Variants in DNAH10 observed in about 807,000 individuals in gnomAD.
DNAH10 encodes axonemal beta dynein heavy chain 10.
A neutral mutation model predicts 506.6 loss-of-function variants in DNAH10; 348 were observed. The observed-to-expected ratio is 0.69, with a 90% CI of 0.63 to 0.75. The LOEUF is 0.75. DNAH10 is among the 30% of genes least tolerant of loss of function. The pLI, the probability that DNAH10 is intolerant of heterozygous loss-of-function variation, is 0.00. For missense variants in DNAH10, 5,179 were observed against 5,787.1 expected, an observed-to-expected ratio of 0.89 and a Z score of 3.41; for synonymous variants, 2,059 against 2,198.6, an observed-to-expected ratio of 0.94 and a Z score of 1.78.
chr12:123,901,561 G>A (rs1953520639), intron 56 of DNAH10, among the ~76,000 whole-genome samples: 1 of 152,228 alleles, frequency 6.6e-6, no homozygotes, highest in African/African-American at 2.4e-5. Context: ...GCCAGCATCT[G>A]TTTGTAGAAG....
At chr12:123,863,315 A>G (rs531523637) in intron 39 of DNAH10, among the ~76,000 whole-genome samples, 37 of 152,318 alleles carry the variant, frequency 2.4e-4, no homozygotes, top group Non-Finnish European at 4.0e-4. Flanking sequence ...ATGGTGTGTA[A>G]CCCAGGGCTT....
rs185559814 is a variant in DNAH10 at position 123,916,958 on chromosome 12, A to G, written c.11002+222A>G. Reference sequence around the variant, plus strand: ...CACGCTGAGACGGGGCCGTGGGCTTATGTGTTCACACATGGGGTGGGATGG... The same window carrying G: ...CACGCTGAGACGGGGCCGTGGGCTTGTGTGTTCACACATGGGGTGGGATGG... On this transcript the variant is annotated intron_variant, in intron 63 of 78. Coordinates refer to ENST00000673944, the MANE Select transcript of DNAH10 (RefSeq NM_001372106.1). This position sits in a 1 kb window ranked among gnomAD's most constrained non-coding sequence, Gnocchi z 4.6. Among the ~76,000 whole-genome samples, 3 of 152,298 alleles carry G rather than the reference A, an allele frequency of 2.0e-5. No individual in the cohort carries two copies. The highest frequency in any genetic ancestry group is 4.4e-5 in the Non-Finnish European group (3 of 68,024).
At chr12:123,921,265 C>A (rs1222900551) in intron 65 of DNAH10, among the ~76,000 whole-genome samples, 1 of 152,204 alleles carries the variant, frequency 6.6e-6, no homozygotes, top group Admixed American at 6.5e-5. Flanking sequence ...AGTATGTAAT[C>A]CTGGCTGCCA....
chr12:123,866,967 G>A (rs758715812), intron 41 of DNAH10, among the ~76,000 whole-genome samples: 1 of 152,168 alleles, frequency 6.6e-6, no homozygotes, highest in African/African-American at 2.4e-5. Flanking sequence ...GGAGGTGAAT[G>A]GAAACCAGGA....
At chr12:123,830,104 C>T (rs948281358) in intron 25 of DNAH10, among the ~76,000 whole-genome samples, 15 of 152,212 alleles carry the variant, frequency 9.9e-5, no homozygotes, top group Non-Finnish European at 2.1e-4. Flanking sequence ...AGCTAGGAGC[C>T]TTGCCCTTGA....
intron 21 of DNAH10, among the ~76,000 whole-genome samples, chr12:123,815,739 T>C (rs970847230): frequency 2.0e-5 from 3 of 152,216 alleles, no homozygotes; most frequent in Non-Finnish European, 1.5e-5. Flanking sequence ...AATGGGCAAT[T>C]CCATAATTGT....
intron 60 of DNAH10, among the ~76,000 whole-genome samples, chr12:123,914,109 GC>G (rs1229712438): frequency 1.3e-5 from 2 of 152,178 alleles, no homozygotes; most frequent in Non-Finnish European, 2.9e-5. Flanking sequence ...CCTTTACTGA[GC>G]CCCCTGCTTG....
intron 51 of DNAH10, among the ~76,000 whole-genome samples, chr12:123,883,066 T>C (rs75221122): frequency 6.6e-6 from 1 of 152,236 alleles, no homozygotes; most frequent in Non-Finnish European, 1.5e-5. Flanking sequence ...ATTTTTTTTT[T>C]GCCAAATAGG....
intron 14 of DNAH10, 101 bp from the exon 15 acceptor site, chr12:123,800,115 C>T (rs1371656683): frequency 2.0e-5 from 24 of 1,197,744 alleles, no homozygotes; most frequent in Non-Finnish European, 2.8e-5. Flanking sequence ...GGTGAAGGGC[C>T]CAGTGTTGAT....
chr12:123,781,044 C>A, intron 5 of DNAH10, 36 bp from the exon 6 acceptor site: 1 of 1,494,578 alleles, frequency 6.7e-7, no homozygotes, highest in Non-Finnish European at 9.1e-7. Flanking sequence ...TTGAAAATGA[C>A]TTCATATGAT....
chr12:123,826,738 A>T lies in DNAH10; in HGVS notation c.4231A>T (p.Ile1411Phe). 6.2e-7 allele frequency: 1 copy of T among 1,613,866 alleles called. No individual in the cohort carries two copies. The highest frequency in any genetic ancestry group is 8.5e-7 in the Non-Finnish European group (1 of 1,179,790). ...CCTTTGGATCAACCTGAATGTGCAG[A>T]TTCTCCAGGAAGGAATTGAAGGTTT... ...QTLWINLNVQ[I>F]LQEGIEGFLR... is the part of the protein sequence containing the mutation. Residue 1411 changes from isoleucine (I) to phenylalanine (F), a missense_variant, in exon 25 of 79, where the codon ATT becomes TTT. By Grantham distance (21) the Ile-to-Phe change is conservative (BLOSUM62 0). Around this residue, in one of 3 missense-constraint regions of DNAH10, gnomAD observed 4,844 missense variants for 5,430.5 expected, o/e 0.89. Transcript: ENST00000673944.
chr12:123,871,806 T>G (rs1182143047), intron 45 of DNAH10, among the ~76,000 whole-genome samples: 2 of 152,176 alleles, frequency 1.3e-5, no homozygotes, highest in Non-Finnish European at 2.9e-5. Context: ...GAGGCCTGGG[T>G]AGAGCTGGAG....
At chr12:123,768,386 C>T (rs190401075) in intron 2 of DNAH10, among the ~76,000 whole-genome samples, 10 of 152,238 alleles carry the variant, frequency 6.6e-5, no homozygotes, top group South Asian at 2.1e-4. Context: ...CCGCCCTCCT[C>T]GGCCTCCCAA....
intron 46 of DNAH10, among the ~76,000 whole-genome samples, chr12:123,874,545 G>C (rs934606882): frequency 2.8e-5 from 4 of 145,416 alleles, no homozygotes; most frequent in African/African-American, 1.0e-4. Context: ...CTACCCATCT[G>C]TTCATTCACC....
In DNAH10 at chr12:123,930,464, TGAGTACCTGGG is replaced by T. The variant is rs1164264380; in HGVS notation, c.12677_12687del (p.Glu4226GlyfsTer5). The T allele has an allele frequency of 6.2e-7, 1 of 1,608,216 alleles. No individual in the cohort carries two copies. The highest frequency in any genetic ancestry group is 8.5e-7 in the Non-Finnish European group (1 of 1,178,014). ...GCCGCATCCTGACCATCTACATGGA[TGAGTACCTGGG>T]GGACTTCATTTTTGATACTTTCCAG... is the stretch of plus-strand genomic sequence containing the variant. On this transcript the variant is annotated frameshift_variant, in exon 73 of 79. Coordinates refer to ENST00000673944, the MANE Select transcript of DNAH10 (RefSeq NM_001372106.1). LOFTEE classifies it high-confidence loss of function.
rs1208794677 is a variant in DNAH10, at chr12:123,804,880, G to A, written c.2827G>A (p.Val943Met). 27 of 1,613,256 alleles carry A rather than the reference G, an allele frequency of 1.7e-5. No homozygotes were observed. Among genetic ancestry groups the A allele is most frequent in the South Asian group, 3.3e-5 (3 of 91,048 alleles). The change falls in exon 18 of 79, where the codon GTG (valine) becomes ATG (methionine). Residue 943 changes from valine (V) to methionine (M), a missense_variant. Physicochemically the swap from Val to Met is conservative, Grantham distance 21 (BLOSUM62 1). Transcript: ENST00000673944. ...CATTGAGCGAGAAAGGGCCAGCGACGTGGACCACATGGTCCGGTGGTATCT... is the reference window on the plus strand; with the variant it reads ...CATTGAGCGAGAAAGGGCCAGCGACATGGACCACATGGTCCGGTGGTATCT... ...EHIERERASD[V>M]DHMVRWYLAI...
At chr12:123,878,995 A>C (rs1156885552) in intron 48 of DNAH10, among the ~76,000 whole-genome samples, 2 of 152,194 alleles carry the variant, frequency 1.3e-5, no homozygotes, top group Non-Finnish European at 2.9e-5. Flanking sequence ...TCAGGTACTT[A>C]TTTTACGTCA....
chr12:123,799,195 A>T, intron 13 of DNAH10, 51 bp from the exon 14 acceptor site: 1 of 1,366,158 alleles, frequency 7.3e-7, no homozygotes, highest in Non-Finnish European at 9.6e-7. Context: ...GAGCGAGATG[A>T]AAAATGTTAT....
At chr12:123,851,674 A>G (rs749480689) in intron 35 of DNAH10, among the ~76,000 whole-genome samples, 3 of 152,214 alleles carry the variant, frequency 2.0e-5, no homozygotes, top group Non-Finnish European at 4.4e-5. Flanking sequence ...CAGGTTTCAC[A>G]TTCTCTCTAT....
Sources: allele counts gnomAD v4.1 joint callset (sites outside exome capture counted in the v4.1 genomes callset), GRCh38; gene constraint gnomAD v4.1.1; regional missense constraint gnomAD v4.1.1; non-coding constraint Gnocchi (gnomAD v3.1); transcripts MANE v1.5; gene names NCBI Gene and HGNC (gene_info 2026-07-23, HGNC 2026-07-21).